Variants in CLEC16A observed in about 807,000 individuals in gnomAD.
CLEC16A encodes the protein protein CLEC16A.
CLEC16A carries 51 observed loss-of-function variants against 109.5 expected under a neutral mutation model. The observed-to-expected ratio is 0.47, with a 90% CI of 0.37 to 0.59. CLEC16A has a LOEUF of 0.59. CLEC16A is among the 20% of genes least tolerant of loss of function. The probability of loss-of-function intolerance (pLI) is 0.00; values close to 1 mark genes in which losing one functional copy is unlikely to be tolerated. For missense variants in CLEC16A, 1,339 were observed against 1,394.0 expected (o/e 0.96, Z 0.63); for synonymous variants, 673 against 564.2 (o/e 1.19, Z -2.73).
At chr16:11,047,451 T>A (rs1418274117) in intron 17 of CLEC16A, 109 bp downstream of exon 17, 1 of 627,102 alleles carries the variant, frequency 1.6e-6, no homozygotes. Context: ...TGTGACCAAA[T>A]AGCACAGATT....
At chr16:11,031,821 C>T (rs140849684) in intron 13 of CLEC16A, among the ~76,000 whole-genome samples, 6 of 152,318 alleles carry the variant, frequency 3.9e-5, no homozygotes, top group African/African-American at 7.2e-5. Flanking sequence ...GTACTACATC[C>T]GCCTGAGCAA....
chr16:11,099,246 G>A (rs949800756), intron 19 of CLEC16A, among the ~76,000 whole-genome samples: 6 of 152,222 alleles, frequency 3.9e-5, no homozygotes, highest in Non-Finnish European at 7.3e-5. Flanking sequence ...GTGGAGCAGA[G>A]CTGTTTCCCA....
At chr16:11,039,733 C>T in intron 13 of CLEC16A, 21 bp from the exon 14 acceptor site, 3 of 1,585,050 alleles carry the variant, frequency 1.9e-6, no homozygotes, top group Non-Finnish European at 2.6e-6. Flanking sequence ...CCTCCACTTA[C>T]ATCCTTCTCC....
chr16:11,074,761 A>G (rs949984391), intron 19 of CLEC16A, among the ~76,000 whole-genome samples: 2 of 152,254 alleles, frequency 1.3e-5, no homozygotes, highest in African/African-American at 4.8e-5. Flanking sequence ...AAAAACACAC[A>G]CACACAAATT....
chr16:11,118,976 A>G (rs997155530), intron 19 of CLEC16A, among the ~76,000 whole-genome samples: 5 of 152,046 alleles, frequency 3.3e-5, no homozygotes, highest in South Asian at 2.1e-4. Context: ...TGGGCTCTCT[A>G]TTCTGTTCTG....
intron 22 of CLEC16A, among the ~76,000 whole-genome samples, chr16:11,140,384 A>C (rs940758797): frequency 3.3e-5 from 5 of 152,220 alleles, no homozygotes; most frequent in Non-Finnish European, 7.3e-5. Flanking sequence ...AATGCTCTGA[A>C]ATAGTTGACA....
At chr16:11,095,803 C>T (rs144829742) in intron 19 of CLEC16A, among the ~76,000 whole-genome samples, 70 of 131,304 alleles carry the variant, frequency 5.3e-4, no homozygotes, top group African/African-American at 1.6e-3. Flanking sequence ...CATAGCAAAA[C>T]TCTGTCTCAA....
intron 10 of CLEC16A, among the ~76,000 whole-genome samples, chr16:10,996,854 G>T (rs975685204): frequency 2.2e-4 from 34 of 152,160 alleles, no homozygotes; most frequent in African/African-American, 8.0e-4. Flanking sequence ...TTTCATCAGT[G>T]ATCAGTGAAT....
intron 23 of CLEC16A, among the ~76,000 whole-genome samples, chr16:11,177,183 T>A (rs1010230607): frequency 6.6e-6 from 1 of 152,194 alleles, no homozygotes; most frequent in Non-Finnish European, 1.5e-5. Flanking sequence ...CTTCTCAATG[T>A]TTTTAAACAC....
In CLEC16A at chr16:10,973,083, A is replaced by G. The variant is rs1481488700; in HGVS notation, c.728+22A>G. Reference sequence around the variant, plus strand: ...AGGAGTAAGTGACACCCCCAGGGCCACTCAGTAGATAGACAGGGTGGTTAG... The same window carrying G: ...AGGAGTAAGTGACACCCCCAGGGCCGCTCAGTAGATAGACAGGGTGGTTAG... On this transcript the variant is annotated intron_variant, in intron 7 of 23. Coordinates refer to ENST00000409790, the MANE Select transcript of CLEC16A (RefSeq NM_015226.3). 5 of 1,586,174 alleles carry G rather than the reference A, an allele frequency of 3.2e-6. No individual in the cohort carries two copies. The African/African-American group carries it at 6.8e-5, about 21-fold the overall frequency.
chr16:11,142,478 T>A (rs966551989), intron 22 of CLEC16A, among the ~76,000 whole-genome samples: 4 of 152,154 alleles, frequency 2.6e-5, no homozygotes, highest in Non-Finnish European at 5.9e-5. Flanking sequence ...GCCCGATAGG[T>A]GTGATGTGTC....
chr16:11,042,304 C>A lies in CLEC16A; in HGVS notation c.1711C>A (p.Gln571Lys). 6.3e-7 allele frequency: 1 copy of A among 1,593,820 alleles called. No homozygotes were observed. Among genetic ancestry groups the A allele is most frequent in the Non-Finnish European group, 8.5e-7 (1 of 1,170,538 alleles). Residue 571 changes from glutamine to lysine, a missense_variant, in exon 15 of 24, where the codon CAG becomes AAG. Transcript: ENST00000409790. ...TLELSCLLLK[Q>K]QVLMSAGCIM... ...GGAGCTGAGCTGCCTGCTTCTGAAG[C>A]AGCAAGTCCTGATGAGTGCTGGCTG...
intron 14 of CLEC16A, 94 bp from the exon 15 acceptor site, chr16:11,042,160 G>C (rs2152854981): frequency 1.1e-6 from 1 of 896,654 alleles, no homozygotes; most frequent in Non-Finnish European, 1.8e-6. Flanking sequence ...GGTCTATCAT[G>C]TGACCTGCTA....
intron 18 of CLEC16A, 58 bp from the exon 19 acceptor site, chr16:11,060,844 T>A (rs2048442045): frequency 6.8e-7 from 1 of 1,469,004 alleles, no homozygotes; most frequent in South Asian, 1.4e-5. Context: ...GTGTGGGGCA[T>A]CTCACTGAAA....
intron 20 of CLEC16A, among the ~76,000 whole-genome samples, chr16:11,123,315 G>A (rs2052567757): frequency 6.6e-6 from 1 of 152,218 alleles, no homozygotes; most frequent in Admixed American, 6.5e-5. Context: ...AGAAATTGAT[G>A]AGTAGATGAG....
At chr16:11,117,052 C>A (rs1175578453) in intron 19 of CLEC16A, among the ~76,000 whole-genome samples, 1 of 152,136 alleles carries the variant, frequency 6.6e-6, no homozygotes, top group African/African-American at 2.4e-5. Context: ...ATGCAGCTGG[C>A]AGCCTAAGTG....
Position 11,016,538 on chromosome 16 carries a change from G to A in CLEC16A, c.1304-3655G>A, listed in dbSNP as rs563212494. Among the ~76,000 whole-genome samples, 6 of 151,956 alleles carry A rather than the reference G, an allele frequency of 3.9e-5. No homozygotes were observed. The South Asian group carries it at 1.2e-3, about 32-fold the overall frequency. ...TAATGTTTGTGATAGGTTTCACCAT[G>A]TTGGCCAGGCTGATCTCAAACTCTT... On this transcript the variant is annotated intron_variant, in intron 11 of 23. Transcript: ENST00000409790.
At chr16:11,156,658 G>A (rs1459515025) in intron 22 of CLEC16A, 3 of 1,304,314 alleles carry the variant, frequency 2.3e-6, no homozygotes, top group East Asian at 5.5e-5. Context: ...TGTTGTGGAG[G>A]TCTTTGCTTG....
chr16:11,081,682 C>G (rs1406677992), intron 19 of CLEC16A, among the ~76,000 whole-genome samples: 1 of 152,136 alleles, frequency 6.6e-6, no homozygotes, highest in Admixed American at 6.5e-5. Context: ...TAGGGGTTCT[C>G]TCCAGCCAAT....
Sources: allele counts gnomAD v4.1 joint callset (sites outside exome capture counted in the v4.1 genomes callset), GRCh38; gene constraint gnomAD v4.1.1; transcripts MANE v1.5; gene names NCBI Gene and HGNC (gene_info 2026-07-23, HGNC 2026-07-21).